The following DIAPH2 variants were observed in gnomAD, a reference collection of about 807,000 sequenced individuals.
DIAPH2 encodes protein diaphanous homolog 2.
In DIAPH2, 35 loss-of-function variants were observed where a neutral mutation model predicts 92.7. The observed-to-expected ratio is 0.38, with a 90% CI of 0.29 to 0.50. DIAPH2 has a LOEUF of 0.50. DIAPH2 is among the 20% of genes least tolerant of loss of function. DIAPH2 has a pLI of 0.94. For missense variants in DIAPH2, 701 were observed against 819.5 expected, an observed-to-expected ratio of 0.86 and a Z score of 1.77; for synonymous variants, 301 against 280.4, an observed-to-expected ratio of 1.07 and a Z score of -0.73.
chrX:97,266,899 G>A (rs757087259), intron 23 of DIAPH2, among the ~76,000 whole-genome samples: 6 of 111,385 alleles, frequency 5.4e-5, no homozygotes, highest in Non-Finnish European at 1.1e-4. Flanking sequence ...TCAAAACAGG[G>A]TACATGAAAT....
At chrX:96,886,516 AT>A (rs962849560) in intron 5 of DIAPH2, among the ~76,000 whole-genome samples, 23 of 111,373 alleles carry the variant, frequency 2.1e-4, no homozygotes, top group Admixed American at 1.8e-3. Flanking sequence ...TGTGATGCAT[AT>A]TTTTCTTCCC....
At chrX:96,976,812 A>C (rs192092570) in intron 17 of DIAPH2, among the ~76,000 whole-genome samples, 1 of 111,331 alleles carries the variant, frequency 9.0e-6, no homozygotes. Context: ...AACAGCAATA[A>C]TAGTAATAAT....
intron 17 of DIAPH2, among the ~76,000 whole-genome samples, chrX:97,008,966 G>T (rs1042102910): frequency 2.7e-5 from 3 of 111,244 alleles, no homozygotes; most frequent in African/African-American, 9.8e-5. Flanking sequence ...GGGTTCTACG[G>T]TTAGCATGTG....
intron 14 of DIAPH2, 68 bp from the exon 15 acceptor site, chrX:96,948,867 T>C (rs20399): frequency 3.9e-5 from 24 of 610,880 alleles, no homozygotes; most frequent in Middle Eastern, 3.7e-4. Flanking sequence ...ACTTATTTAA[T>C]ACATAATGTT....
chrX:97,318,777 G>T (rs964696384), intron 23 of DIAPH2, among the ~76,000 whole-genome samples: 3 of 110,398 alleles, frequency 2.7e-5, no homozygotes, highest in Non-Finnish European at 5.7e-5. Context: ...GAGCCACCAC[G>T]CCCGGCCGAT....
intron 12 of DIAPH2, 138 bp downstream of exon 12, chrX:96,939,520 A>ATATATATGTTTATATATGTATG (rs1259623420): frequency 1.3e-5 from 1 of 77,959 alleles, no homozygotes; most frequent in African/African-American, 4.8e-5. Flanking sequence ...ATGTATGTAT[A>ATATATATGTTTATATATGTATG]TATATATATG....
At chrX:97,247,634 T>G (rs898331652) in intron 22 of DIAPH2, 81 bp from the exon 23 acceptor site, 1 of 961,509 alleles carries the variant, frequency 1.0e-6, no homozygotes, top group Non-Finnish European at 1.4e-6. Context: ...AAAAAAAGAC[T>G]TTAACTGATA....
intron 22 of DIAPH2, among the ~76,000 whole-genome samples, chrX:97,234,034 CAAG>C (rs898167530): frequency 9.1e-6 from 1 of 110,314 alleles, no homozygotes; most frequent in African/African-American, 3.3e-5. Flanking sequence ...ATAGAGGCAT[CAAG>C]AAATCCAGAG....
At chrX:96,928,408 A>G (rs1393824787) in intron 9 of DIAPH2, among the ~76,000 whole-genome samples, 1 of 111,406 alleles carries the variant, frequency 9.0e-6, no homozygotes, top group Non-Finnish European at 1.9e-5. Context: ...GTAGTAATAT[A>G]TTCTTCCCTT....
chrX:97,222,121 T>C (rs2067930686), intron 22 of DIAPH2, among the ~76,000 whole-genome samples: 1 of 111,208 alleles, frequency 9.0e-6, no homozygotes, highest in African/African-American at 3.3e-5. Flanking sequence ...ACATTTAGTC[T>C]TGTTCCTTCA....
At chrX:96,751,967 T>C (rs899799808) in intron 3 of DIAPH2, among the ~76,000 whole-genome samples, 3 of 111,522 alleles carry the variant, frequency 2.7e-5, no homozygotes, top group Non-Finnish European at 5.6e-5. Flanking sequence ...TCAGTGTTTT[T>C]TAAAATCACA....
chrX:97,315,491 A>C (rs770382693), intron 23 of DIAPH2, among the ~76,000 whole-genome samples: 5 of 111,458 alleles, frequency 4.5e-5, no homozygotes, highest in Non-Finnish European at 7.5e-5. Flanking sequence ...GAGGTTGCTG[A>C]TGGGATTGGA....
At chrX:97,250,774 C>T (rs183413304) in intron 23 of DIAPH2, among the ~76,000 whole-genome samples, 2 of 111,669 alleles carry the variant, frequency 1.8e-5, no homozygotes, top group Non-Finnish European at 1.9e-5. Context: ...CACTTCAAAA[C>T]GATACTGTCA....
intron 1 of DIAPH2, among the ~76,000 whole-genome samples, chrX:96,724,115 G>A (rs2064006848): frequency 9.2e-6 from 1 of 108,918 alleles, no homozygotes; most frequent in Non-Finnish European, 1.9e-5. Context: ...TAGCAGAGAC[G>A]GGGTTTCACT....
chrX:96,981,259 G>T (rs1239398317), intron 17 of DIAPH2, among the ~76,000 whole-genome samples: 1 of 111,148 alleles, frequency 9.0e-6, no homozygotes, highest in Non-Finnish European at 1.9e-5. Flanking sequence ...TTTCAAAAGT[G>T]GTTGTGGTTG....
intron 5 of DIAPH2, among the ~76,000 whole-genome samples, chrX:96,904,085 A>G (rs957743693): frequency 1.8e-5 from 2 of 112,156 alleles, no homozygotes; most frequent in African/African-American, 6.5e-5. Flanking sequence ...CATGAAACAT[A>G]GTAGGATTTT....
intron 17 of DIAPH2, among the ~76,000 whole-genome samples, chrX:96,978,288 C>T (rs1412420679): frequency 9.0e-6 from 1 of 110,901 alleles, no homozygotes; most frequent in Non-Finnish European, 1.9e-5. Flanking sequence ...CTTTTCAAAC[C>T]GTATTTCAGT....
intron 17 of DIAPH2, among the ~76,000 whole-genome samples, chrX:97,035,442 G>T (rs2066404094): frequency 8.9e-6 from 1 of 111,936 alleles, no homozygotes; most frequent in South Asian, 3.7e-4. Context: ...AATGAATGTG[G>T]ATCTATTTTC....
chrX:96,719,819 A>G (rs182266626), intron 1 of DIAPH2, among the ~76,000 whole-genome samples: 233 of 112,370 alleles, frequency 2.1e-3, no homozygotes, highest in African/African-American at 7.0e-3. Context: ...AATTTCTGTG[A>G]AGAATGTCAT....
Sources: allele counts gnomAD v4.1 joint callset (sites outside exome capture counted in the v4.1 genomes callset), GRCh38; gene constraint gnomAD v4.1.1; transcripts MANE v1.5; gene names NCBI Gene and HGNC (gene_info 2026-07-23, HGNC 2026-07-21).